The following DARS2 variants were observed in gnomAD, a reference collection of about 807,000 sequenced individuals.
DARS2 encodes the protein aspartate--tRNA ligase, mitochondrial.
In DARS2, 63 loss-of-function variants were observed where a neutral mutation model predicts 83.0. The observed-to-expected ratio is 0.76, with a 90% CI of 0.62 to 0.94. The LOEUF (loss-of-function observed/expected upper bound fraction) is 0.94. Among genes scored for constraint, DARS2 ranks in the 40% least tolerant of loss-of-function variants. The probability of loss-of-function intolerance (pLI) is 0.00; values close to 1 mark genes in which losing one functional copy is unlikely to be tolerated. For missense variants in DARS2, 675 were observed against 774.4 expected (o/e 0.87, Z 1.52); for synonymous variants, 250 against 269.3 (o/e 0.93, Z 0.70).
chr1:173,846,412 AG>A (rs1206713327), intron 12 of DARS2, among the ~76,000 whole-genome samples: 1 of 151,944 alleles, frequency 6.6e-6, no homozygotes, highest in African/African-American at 2.4e-5. Context: ...GAGAATCACA[AG>A]CCCAGGAGTT....
intron 11 of DARS2, among the ~76,000 whole-genome samples, chr1:173,844,669 CAAAAAAAAAAAAAAAAAAAA>C (rs549839808): frequency 6.0e-4 from 18 of 29,928 alleles, no homozygotes; most frequent in Non-Finnish European, 1.1e-3. Flanking sequence ...GACTCCATCG[CAAAAAAAAAAAAAAAAAAAA>C]AAAAAAAAAA....
Position 173,834,474 on chromosome 1 carries a change from G to A in DARS2, c.618G>A (p.Gly206=). 1.2e-6 allele frequency: 2 copies of A among 1,606,502 alleles called. No homozygotes were observed. Among genetic ancestry groups the A allele is most frequent in the Non-Finnish European group, 1.7e-6 (2 of 1,173,482 alleles). ...KMREYLCNLH[G]FVDIETPTLF... ...GTGATAATGTTTCTCTCTTTTTAGGGTTTGTGGATATAGAAACCCCCACAT... is the reference window on the plus strand; with the variant it reads ...GTGATAATGTTTCTCTCTTTTTAGGATTTGTGGATATAGAAACCCCCACAT... Residue 206 remains glycine (G), a splice_region_variant and synonymous_variant, in exon 7 of 17, where the codon GGG becomes GGA. Coordinates refer to ENST00000649689, the MANE Select transcript of DARS2 (RefSeq NM_018122.5).
chr1:173,849,871 T>G (rs1197233410), intron 12 of DARS2, among the ~76,000 whole-genome samples: 1 of 149,184 alleles, frequency 6.7e-6, no homozygotes, highest in East Asian at 2.0e-4. Flanking sequence ...CTTTTTTTTT[T>G]TTTTTTTTTT....
chr1:173,833,433 C>T lies in DARS2; in HGVS notation c.550C>T (p.Gln184Ter). The change falls in exon 6 of 17, where the codon CAG becomes TAG. Residue 184 changes from glutamine (Q) to a stop codon, truncating the protein, a stop_gained. Coordinates refer to ENST00000649689, the MANE Select transcript of DARS2 (RefSeq NM_018122.5). LOFTEE classifies it high-confidence loss of function. ...CTTAGACTTGCGTAGTTTCCAAATG[C>T]AGTATAACCTGCGACTGAGGTCCCA... ...RYLDLRSFQM[Q>*]YNLRLRSQMV... 1 of 1,613,892 alleles carries T rather than the reference C, an allele frequency of 6.2e-7. No homozygotes were observed. The highest frequency in any genetic ancestry group is 8.5e-7 in the Non-Finnish European group (1 of 1,179,828).
At chr1:173,831,024 C>T (rs370609679) in intron 4 of DARS2, among the ~76,000 whole-genome samples, 41 of 152,324 alleles carry the variant, frequency 2.7e-4, no homozygotes, top group African/African-American at 8.9e-4. Context: ...TCAAGTGATT[C>T]TCCTGCCTCA....
chr1:173,832,211 A>G (rs1272131907), intron 5 of DARS2, among the ~76,000 whole-genome samples: 1 of 152,198 alleles, frequency 6.6e-6, no homozygotes, highest in Non-Finnish European at 1.5e-5. Flanking sequence ...AGTCTTAATT[A>G]ATTAGTCTTA....
In DARS2 at chr1:173,828,422, T is replaced by G. The variant is rs1354342361; in HGVS notation, c.294+23T>G. On this transcript the variant is annotated intron_variant, in intron 3 of 16. Coordinates refer to ENST00000649689, the MANE Select transcript of DARS2 (RefSeq NM_018122.5). Reference sequence around the variant, plus strand: ...GAGGTAATAGAAAATTTCCTGTTATTATCTAAAAGCTTCTTTGATGCTATT... The same window carrying G: ...GAGGTAATAGAAAATTTCCTGTTATGATCTAAAAGCTTCTTTGATGCTATT... 4 of 1,604,588 alleles carry G rather than the reference T, an allele frequency of 2.5e-6. No homozygotes were observed. In the South Asian group the frequency reaches 3.3e-5, roughly 13 times the overall value.
At chr1:173,836,584 C>T (rs186130726) in intron 7 of DARS2, among the ~76,000 whole-genome samples, 3 of 151,694 alleles carry the variant, frequency 2.0e-5, no homozygotes, top group East Asian at 1.9e-4. Flanking sequence ...AATAGTTACT[C>T]GATTTATACA....
chr1:173,841,097 G>T, intron 11 of DARS2, 124 bp downstream of exon 11: 1 of 727,674 alleles, frequency 1.4e-6, no homozygotes, highest in Non-Finnish European at 2.4e-6. Flanking sequence ...GATTTTTGCT[G>T]GGCATGGTGG....
chr1:173,836,926 T>C lies in DARS2; in HGVS notation c.664-14T>C, dbSNP rs777294546. 6.2e-7 allele frequency: 1 copy of C among 1,605,052 alleles called. No homozygotes were observed. Among genetic ancestry groups the C allele is most frequent in the Non-Finnish European group, 8.5e-7 (1 of 1,172,024 alleles). The stretch of plus-strand genomic sequence containing the variant: ...TAATAATCTGTCTTCTCTCTCTTTC[T>C]CTCTCTTTGAAAGGGTGCCAAAGAG... On this transcript the variant is annotated splice_polypyrimidine_tract_variant and intron_variant, in intron 7 of 16. Coordinates refer to ENST00000649689, the MANE Select transcript of DARS2 (RefSeq NM_018122.5).
chr1:173,849,697 C>T (rs1653572848), intron 12 of DARS2, among the ~76,000 whole-genome samples: 1 of 152,074 alleles, frequency 6.6e-6, no homozygotes, highest in Non-Finnish European at 1.5e-5. Flanking sequence ...TGTGCTGAGG[C>T]TGCCTCCATT....
At chr1:173,832,444 C>T (rs936119033) in intron 5 of DARS2, among the ~76,000 whole-genome samples, 1 of 151,996 alleles carries the variant, frequency 6.6e-6, no homozygotes, top group Non-Finnish European at 1.5e-5. Context: ...GTTTTCAGCA[C>T]AAAGAGGGAT....
rs556089302 is a variant in DARS2, at chr1:173,843,426, T to C, written c.1129-1803T>C. ...ATGTAAAAAATTAGCCAGGTGTGGT[T>C]GTGCGCACCTGTAGTCCCAGCTACT... is the stretch of plus-strand genomic sequence containing the variant. On this transcript the variant is annotated intron_variant, in intron 11 of 16. Transcript: ENST00000649689. 7.2e-5 allele frequency among the ~76,000 whole-genome samples: 11 copies of C among 152,152 alleles called. 1 individual carries two copies. In the South Asian group the frequency reaches 1.9e-3, roughly 26 times the overall value.
Position 173,831,544 on chromosome 1 carries a change from A to T in DARS2, c.406A>T (p.Thr136Ser). 15 of 1,613,770 alleles carry T rather than the reference A, an allele frequency of 9.3e-6. No individual in the cohort carries two copies. The highest frequency in any genetic ancestry group is 1.3e-5 in the Non-Finnish European group (15 of 1,179,650). Residue 136 changes from threonine (T) to serine (S), a missense_variant, in exon 5 of 17, where the codon ACA (threonine) becomes TCA (serine). Coordinates refer to ENST00000649689, the MANE Select transcript of DARS2 (RefSeq NM_018122.5). Reference protein sequence around the residue: ...PAGQENPKMPTGEIEIKVKTA... With the variant: ...PAGQENPKMPSGEIEIKVKTA... ...CTTCTCACTCTCCAAGAAAATGCCA[A>T]CAGGTGAGATTGAAATCAAAGTTAA...
rs1276273694 is a variant in DARS2, at chr1:173,829,254, A to G, written c.294+855A>G. On this transcript the variant is annotated intron_variant, in intron 3 of 16. Transcript: ENST00000649689. ...GTATTTGCTTGTATATATGTTAGGA[A>G]ATGTCTCTGGAAGGATACCTAAGTA... is the stretch of plus-strand genomic sequence containing the variant. 4.6e-5 allele frequency among the ~76,000 whole-genome samples: 7 copies of G among 151,462 alleles called. No homozygotes were observed. In the East Asian group the frequency reaches 1.4e-3, roughly 29 times the overall value.
At chr1:173,856,285 G>A (rs773753679) in intron 15 of DARS2, among the ~76,000 whole-genome samples, 3 of 152,160 alleles carry the variant, frequency 2.0e-5, no homozygotes, top group Non-Finnish European at 4.4e-5. Context: ...CCTCCCGGCA[G>A]CATTTGACAA....
intron 13 of DARS2, among the ~76,000 whole-genome samples, chr1:173,850,803 CCAT>C (rs1181985543): frequency 6.6e-6 from 1 of 151,790 alleles, no homozygotes; most frequent in Non-Finnish European, 1.5e-5. Flanking sequence ...CAGGGTTTCA[CCAT>C]GTTGCCCAGA....
chr1:173,837,091 AAAAC>A (rs779799709), intron 8 of DARS2, 45 bp downstream of exon 8: 25 of 1,524,714 alleles, frequency 1.6e-5, no homozygotes, highest in Middle Eastern at 3.4e-4. Flanking sequence ...GGAAAAGAGA[AAAAC>A]AAAGGGAAAA....
intron 7 of DARS2, among the ~76,000 whole-genome samples, chr1:173,835,060 G>T (rs1652954298): frequency 6.6e-6 from 1 of 151,784 alleles, no homozygotes; most frequent in Admixed American, 6.6e-5. Context: ...GGGATTACAG[G>T]TGTGAGCCAC....
Sources: allele counts gnomAD v4.1 joint callset (sites outside exome capture counted in the v4.1 genomes callset), GRCh38; gene constraint gnomAD v4.1.1; transcripts MANE v1.5; gene names NCBI Gene and HGNC (gene_info 2026-07-23, HGNC 2026-07-21).